The following ZNF7 variants were observed in gnomAD, a reference collection of about 807,000 sequenced individuals.
The protein encoded by ZNF7 is C2-H2 type zinc finger protein.
In ZNF7, 10 loss-of-function variants were observed where a neutral mutation model predicts 12.0. The ratio of observed to expected loss-of-function variants is 0.83; its 90% confidence interval spans 0.51 to 1.42. The LOEUF is 1.42. Ranked by LOEUF, ZNF7 falls within the 40% of genes most tolerant of loss-of-function variation. The pLI, the probability that ZNF7 is intolerant of heterozygous loss-of-function variation, is 0.00. For missense variants in ZNF7, 854 were observed against 837.2 expected, an observed-to-expected ratio of 1.02 and a Z score of -0.25; for synonymous variants, 334 against 295.0, an observed-to-expected ratio of 1.13 and a Z score of -1.35.
At chr8:144,831,091 A>T in intron 3 of ZNF7, 2 of 453,822 alleles carry the variant, frequency 4.4e-6, no homozygotes, top group South Asian at 3.1e-5. Context: ...CTTGCTTGGC[A>T]TGTAGCAGCT....
chr8:144,843,184 A>ATG lies in ZNF7; in HGVS notation c.*20_*21dup, dbSNP rs1830195960. ...CATGGGATAGACCACTTACATATAA[A>ATG]TGTGTATATATGTGAATAAACCTAT... On this transcript the variant is annotated 3_prime_UTR_variant, in exon 5 of 5. Transcript: ENST00000532777. 4 of 1,539,940 alleles carry ATG rather than the reference A, an allele frequency of 2.6e-6. No individual in the cohort carries two copies. Among genetic ancestry groups the ATG allele is most frequent in the Middle Eastern group, 3.5e-4 (2 of 5,704 alleles).
chr8:144,845,898 G>A, downstream of ZNF7: 1 of 1,406,124 alleles, frequency 7.1e-7, no homozygotes, highest in South Asian at 1.3e-5. Flanking sequence ...GCTGAGAAGG[G>A]TCTTGGCAGG....
chr8:144,830,789 A>G, intron 3 of ZNF7: 1 of 351,388 alleles, frequency 2.8e-6, no homozygotes, highest in East Asian at 8.4e-5. Flanking sequence ...GCCGGAGTGC[A>G]ATGGCGCGAT....
chr8:144,840,551 C>T (rs1482056446), intron 4 of ZNF7, among the ~76,000 whole-genome samples: 1 of 152,180 alleles, frequency 6.6e-6, no homozygotes, highest in Non-Finnish European at 1.5e-5. Context: ...GGTTTGATCA[C>T]AGACATCAAG....
chr8:144,830,782 G>A (rs76796475), intron 3 of ZNF7: 24,631 of 321,804 alleles, frequency 0.077, 1,340 homozygotes, highest in East Asian at 0.23. Context: ...CACCCATGCC[G>A]GAGTGCAATG....
chr8:144,832,687 C>T (rs1275726147), intron 3 of ZNF7, among the ~76,000 whole-genome samples: 1 of 152,138 alleles, frequency 6.6e-6, no homozygotes, highest in Non-Finnish European at 1.5e-5. Context: ...GAGATCACAC[C>T]AGTGCACTCC....
Position 144,841,564 on chromosome 8 carries a change from T to G in ZNF7, c.457T>G (p.Leu153Val). ...AGGCTTTACCTTCCAAAATAACTGTTTGAATGAGGAGACTGTGGTTCCCAA... is the reference window on the plus strand; with the variant it reads ...AGGCTTTACCTTCCAAAATAACTGTGTGAATGAGGAGACTGTGGTTCCCAA... Reference protein sequence around the residue: ...VTGFTFQNNCLNEETVVPKTF... With the variant: ...VTGFTFQNNCVNEETVVPKTF... Residue 153 changes from leucine to valine, a missense_variant, in exon 5 of 5, where the codon TTG becomes GTG. Transcript: ENST00000532777. 6.2e-7 allele frequency: 1 copy of G among 1,614,056 alleles called. No homozygotes were observed. The highest frequency in any genetic ancestry group is 1.1e-5 in the South Asian group (1 of 91,074).
downstream of ZNF7, among the ~76,000 whole-genome samples, chr8:144,844,214 G>C (rs1830348827): frequency 6.6e-6 from 1 of 152,158 alleles, no homozygotes; most frequent in Non-Finnish European, 1.5e-5. Context: ...AAACAATGTA[G>C]AGAAACATGC....
chr8:144,831,490 A>C (rs1427159724), intron 3 of ZNF7, among the ~76,000 whole-genome samples: 2 of 152,174 alleles, frequency 1.3e-5, no homozygotes, highest in African/African-American at 4.8e-5. Context: ...TTTTATAAAA[A>C]CACTATCTTA....
At position 144,841,510 on chromosome 8, in the gene ZNF7, C is replaced by CA; in HGVS notation, c.404dup (p.His135GlnfsTer17). The CA allele has an allele frequency of 6.2e-7, 1 of 1,614,194 alleles. No individual in the cohort carries two copies. The highest frequency in any genetic ancestry group is 8.5e-7 in the Non-Finnish European group (1 of 1,180,046). ...TGATTCTGAGGTCTGGTTAGACAGTCATCTGGGCAGTCCCGGGCTGAAAGT... is the reference window on the plus strand; with the variant it reads ...TGATTCTGAGGTCTGGTTAGACAGTCAATCTGGGCAGTCCCGGGCTGAAAGT... On this transcript the variant is annotated frameshift_variant, in exon 5 of 5. Coordinates refer to ENST00000532777, the MANE Select transcript of ZNF7 (RefSeq NM_003416.4). LOFTEE classifies it low-confidence loss of function (END_TRUNC).
chr8:144,832,561 C>G (rs928201713), intron 3 of ZNF7, among the ~76,000 whole-genome samples: 15 of 152,016 alleles, frequency 9.9e-5, no homozygotes, highest in Non-Finnish European at 1.6e-4. Context: ...CACCCCGCCT[C>G]TACTAAAAAT....
In ZNF7 at chr8:144,841,585, C is replaced by G. The variant is rs1829916579; in HGVS notation, c.478C>G (p.Pro160Ala). 1 of 1,614,036 alleles carries G rather than the reference C, an allele frequency of 6.2e-7. No homozygotes were observed. Among genetic ancestry groups the G allele is most frequent in the African/African-American group, 1.3e-5 (1 of 74,898 alleles). The change falls in exon 5 of 5, where the codon CCC becomes GCC. Residue 160 changes from proline to alanine, a missense_variant. Physicochemically the swap from Pro to Ala is conservative, Grantham distance 27. Transcript: ENST00000532777. ...CTGTTTGAATGAGGAGACTGTGGTT[C>G]CCAAGACCTTCACCAAGGACGCACC... ...NNCLNEETVV[P>A]KTFTKDAPQG...
downstream of ZNF7, chr8:144,846,133 T>C (rs1365336355): frequency 1.3e-6 from 2 of 1,536,384 alleles, no homozygotes; most frequent in Non-Finnish European, 1.7e-6. Context: ...TCCTGGTTCA[T>C]GATCAGGACA....
At position 144,842,987 on chromosome 8, in the gene ZNF7, T is replaced by TTAA; in HGVS notation, c.1883_1885dup (p.Asn628dup). The TTAA allele has an allele frequency of 3.1e-6, 5 of 1,614,092 alleles. No individual in the cohort carries two copies. Among genetic ancestry groups the TTAA allele is most frequent in the Non-Finnish European group, 1.7e-6 (2 of 1,180,006 alleles). ...TCCACCTTTGTGAGCCGTAAAAAGG[T>TTAA]TAATACTATAAAGAAACTGCATCAG... On this transcript the variant is annotated inframe_insertion, in exon 5 of 5. Transcript: ENST00000532777.
chr8:144,846,340 T>C, downstream of ZNF7: 1 of 670,124 alleles, frequency 1.5e-6, no homozygotes, highest in Non-Finnish European at 2.4e-6. Context: ...CGTAGCTTTT[T>C]ACATTTCTGA....
chr8:144,837,435 C>T lies in ZNF7; in HGVS notation c.175C>T (p.Gln59Ter), dbSNP rs1205220563. Reference protein sequence around the residue: ...FKPELISRLEQGEEPWVLDLQ... With the variant: ...FKPELISRLE ...GCCTGAGCTGATCTCTCGGCTGGAG[C>T]AGGGAGAAGAGCCATGGGTCCTCGA... is the stretch of plus-strand genomic sequence containing the variant. Residue 59 changes from glutamine (Q) to a stop codon, truncating the protein, a stop_gained, in exon 4 of 5, where the codon CAG becomes TAG. Coordinates refer to ENST00000532777, the MANE Select transcript of ZNF7 (RefSeq NM_003416.4). LOFTEE classifies it high-confidence loss of function. The T allele has an allele frequency of 2.5e-6, 4 of 1,612,918 alleles. No homozygotes were observed. In the Admixed American group the frequency reaches 6.7e-5, roughly 27 times the overall value.
Position 144,842,452 on chromosome 8 carries a change from G to C in ZNF7, c.1345G>C (p.Ala449Pro). The C allele has an allele frequency of 6.2e-7, 1 of 1,614,154 alleles. No individual in the cohort carries two copies. Among genetic ancestry groups the C allele is most frequent in the Non-Finnish European group, 8.5e-7 (1 of 1,180,036 alleles). Residue 449 changes from alanine (A) to proline (P), a missense_variant, in exon 5 of 5, where the codon GCC (alanine) becomes CCC (proline). Physicochemically the swap from Ala to Pro is conservative, Grantham distance 27. Coordinates refer to ENST00000532777, the MANE Select transcript of ZNF7 (RefSeq NM_003416.4). The part of the protein sequence containing the change: ...KPYKCNKCTK[A>P]FGCSSRLIRH... ...TTATAAATGCAACAAGTGTACAAAA[G>C]CCTTTGGTTGTAGTTCACGGCTTAT...
chr8:144,832,742 C>T (rs1226971746), intron 3 of ZNF7, among the ~76,000 whole-genome samples: 1 of 152,092 alleles, frequency 6.6e-6, no homozygotes, highest in Non-Finnish European at 1.5e-5. Flanking sequence ...AAAAGTTCTT[C>T]CCTCCTCCAA....
rs191250917 is a variant in ZNF7, at chr8:144,843,347, T to C, written c.*179T>C. The C allele has an allele frequency of 1.5e-5, 11 of 723,770 alleles. No individual in the cohort carries two copies. The highest frequency in any genetic ancestry group is 4.0e-4 in the Middle Eastern group (1 of 2,472). The allele number at this position is 723,770 out of a possible 1,614,324, so 44.8% of individuals were successfully genotyped here. ...GCTTATGCCTGTCATCCCAGCACTT[T>C]GGGAGGCCAAGGCGGGCACATCACG... On this transcript the variant is annotated 3_prime_UTR_variant, in exon 5 of 5. Transcript: ENST00000532777.
Sources: allele counts gnomAD v4.1 joint callset (sites outside exome capture counted in the v4.1 genomes callset), GRCh38; gene constraint gnomAD v4.1.1; transcripts MANE v1.5; gene names NCBI Gene and HGNC (gene_info 2026-07-23, HGNC 2026-07-21).